Variants in ARHGAP39 observed in about 807,000 individuals in gnomAD.
ARHGAP39 encodes the protein Rho GTPase activating protein 39, also known as rho GTPase-activating protein 39.
A neutral mutation model predicts 106.9 loss-of-function variants in ARHGAP39; 44 were observed. The observed-to-expected ratio is 0.41, with a 90% confidence interval of 0.32 to 0.53. The LOEUF (loss-of-function observed/expected upper bound fraction) is 0.53, where lower values mean the gene tolerates loss of function less well. Among genes scored for constraint, ARHGAP39 ranks in the 20% least tolerant of loss-of-function variants. The pLI is 0.21. For missense variants in ARHGAP39, 1,496 were observed against 1,577.3 expected, an observed-to-expected ratio of 0.95 and a Z score of 0.87; for synonymous variants, 768 against 693.2, an observed-to-expected ratio of 1.11 and a Z score of -1.69.
In ARHGAP39 at chr8:144,619,654, G is replaced by A. The variant is rs985659163; in HGVS notation, c.-81-13959C>T. On this transcript the variant is annotated intron_variant, in intron 1 of 11. Coordinates refer to ENST00000377307, the MANE Select transcript of ARHGAP39 (RefSeq NM_025251.3). ...TGTCCAAGAGCGTGTGTCCGTGCATGAGCCTGTGTACCTGAGAGCACGTAT... is the reference window on the plus strand; with the variant it reads ...TGTCCAAGAGCGTGTGTCCGTGCATAAGCCTGTGTACCTGAGAGCACGTAT... Among the ~76,000 whole-genome samples, 13 of 151,604 alleles carry A rather than the reference G, an allele frequency of 8.6e-5. 1 individual carries two copies. The South Asian group carries it at 2.1e-3, about 24-fold the overall frequency.
intron 3 of ARHGAP39, among the ~76,000 whole-genome samples, chr8:144,555,898 G>A (rs1817898577): frequency 6.6e-6 from 1 of 152,194 alleles, no homozygotes; most frequent in African/African-American, 2.4e-5. Context: ...ATTGGAGCTG[G>A]GGCTACTGTT....
chr8:144,654,636 G>A (rs527608551), intron 1 of ARHGAP39, among the ~76,000 whole-genome samples: 65 of 151,982 alleles, frequency 4.3e-4, no homozygotes, highest in South Asian at 2.5e-3. Flanking sequence ...GGCAGGAGCC[G>A]GGGACAAGCA....
chr8:144,600,151 CT>C (rs1819795848), intron 2 of ARHGAP39, among the ~76,000 whole-genome samples: 1 of 150,958 alleles, frequency 6.6e-6, no homozygotes, highest in Admixed American at 6.6e-5. Context: ...ATGTACCTAC[CT>C]GTGTGTGTGC....
the ARHGAP39 span, among the ~76,000 whole-genome samples, chr8:144,698,365 AC>A: frequency 6.6e-6 from 1 of 151,818 alleles, no homozygotes; most frequent in Non-Finnish European, 1.5e-5. Context: ...AGCCAAATAA[AC>A]CTCCTTTCTT....
chr8:144,556,986 T>G (rs546054511), intron 3 of ARHGAP39, among the ~76,000 whole-genome samples: 7 of 141,402 alleles, frequency 5.0e-5, no homozygotes, highest in Non-Finnish European at 7.5e-5. Flanking sequence ...TGAACCTTCA[T>G]AGTATTCAGA....
Position 144,547,456 on chromosome 8 carries a change from C to A in ARHGAP39, c.1630G>T (p.Glu544Ter), listed in dbSNP as rs1451046334. Reference sequence around the variant, plus strand: ...GGCTCGGCCGCGCCCCGCGCCCCTTCGGCCTCACCTTCCGCTCGCTTCACG... The same window carrying A: ...GGCTCGGCCGCGCCCCGCGCCCCTTAGGCCTCACCTTCCGCTCGCTTCACG... Reference protein sequence around the residue: ...APVKRAEGEAEGARGAAEPFL... With the variant: ...APVKRAEGEA The change falls in exon 5 of 12, where the codon GAA (glutamate) becomes TAA (stop). Residue 544 changes from glutamate (E) to a stop codon, truncating the protein, a stop_gained. Coordinates refer to ENST00000377307, the MANE Select transcript of ARHGAP39 (RefSeq NM_025251.3). LOFTEE classifies it high-confidence loss of function. This position sits in a 1 kb window ranked among gnomAD's most constrained non-coding sequence, Gnocchi z 5.2. The A allele has an allele frequency of 6.4e-7, 1 of 1,563,426 alleles. No homozygotes were observed. Among genetic ancestry groups the A allele is most frequent in the East Asian group, 2.3e-5 (1 of 43,252 alleles).
intron 2 of ARHGAP39, among the ~76,000 whole-genome samples, chr8:144,597,457 G>A (rs951937167): frequency 3.9e-5 from 6 of 152,176 alleles, no homozygotes; most frequent in African/African-American, 1.2e-4. Flanking sequence ...CACAGACAGC[G>A]AGCTGCCAGG....
At chr8:144,676,085 C>A (rs913269856) in intron 1 of ARHGAP39, among the ~76,000 whole-genome samples, 5 of 152,158 alleles carry the variant, frequency 3.3e-5, no homozygotes, top group Admixed American at 2.6e-4. Flanking sequence ...AGAGTGAGCA[C>A]CAGCAAGATT....
chr8:144,534,957 C>T (rs763055635), intron 7 of ARHGAP39, among the ~76,000 whole-genome samples: 47 of 152,178 alleles, frequency 3.1e-4, no homozygotes, highest in Non-Finnish European at 6.3e-4. Flanking sequence ...GTCTGGAAGG[C>T]GCGGCACCTT....
chr8:144,662,220 C>T (rs961929806), intron 1 of ARHGAP39, among the ~76,000 whole-genome samples: 3 of 149,576 alleles, frequency 2.0e-5, no homozygotes, highest in Admixed American at 6.7e-5. Context: ...TGGACCGCTC[C>T]CCCGTCAGCA....
chr8:144,666,244 G>A (rs185341193), intron 1 of ARHGAP39, among the ~76,000 whole-genome samples: 263 of 152,236 alleles, frequency 1.7e-3, no homozygotes, highest in African/African-American at 5.9e-3. Flanking sequence ...GAATTAACTC[G>A]CTTGCTTTTG....
At chr8:144,562,226 A>C in intron 3 of ARHGAP39, among the ~76,000 whole-genome samples, 4 of 137,522 alleles carry the variant, frequency 2.9e-5, no homozygotes, top group African/African-American at 1.1e-4. Flanking sequence ...CATTGGACTC[A>C]CCCCAGTGGT....
intron 1 of ARHGAP39, among the ~76,000 whole-genome samples, chr8:144,623,446 C>T (rs1820855193): frequency 6.6e-6 from 1 of 152,142 alleles, no homozygotes; most frequent in Non-Finnish European, 1.5e-5. Flanking sequence ...AGTATAAGGG[C>T]AGGAAATTCT....
In ARHGAP39 at chr8:144,626,828, C is replaced by T. The variant is rs116422470; in HGVS notation, c.-81-21133G>A. On this transcript the variant is annotated intron_variant, in intron 1 of 11. Transcript: ENST00000377307. ...TAGAGACCCCTCTCTCTGCAGTTCCCCCTCCTGACACTTGAGTGGGGCTCC... is the reference window on the plus strand; with the variant it reads ...TAGAGACCCCTCTCTCTGCAGTTCCTCCTCCTGACACTTGAGTGGGGCTCC... Among the ~76,000 whole-genome samples the T allele has an allele frequency of 4.8e-3, 729 of 152,358 alleles. 7 individuals are homozygous for T. Among genetic ancestry groups the T allele is most frequent in the African/African-American group, 0.016 (683 of 41,586 alleles).
chr8:144,666,910 C>T (rs1384449618), intron 1 of ARHGAP39, among the ~76,000 whole-genome samples: 1 of 152,170 alleles, frequency 6.6e-6, no homozygotes, highest in African/African-American at 2.4e-5. Context: ...GATAAAATGC[C>T]TGCTGTGGGA....
the ARHGAP39 span, among the ~76,000 whole-genome samples, chr8:144,696,093 C>T: frequency 2.2e-4 from 34 of 152,284 alleles, no homozygotes; most frequent in South Asian, 1.7e-3. Flanking sequence ...CTGGGCCACA[C>T]GCTGCCTCCA....
At chr8:144,664,064 G>A (rs1462320881) in intron 1 of ARHGAP39, among the ~76,000 whole-genome samples, 1 of 152,128 alleles carries the variant, frequency 6.6e-6, no homozygotes, top group Non-Finnish European at 1.5e-5. Flanking sequence ...CTACTTGGGA[G>A]GCTGAGGTGG....
chr8:144,650,218 A>G (rs1821540937), intron 1 of ARHGAP39, among the ~76,000 whole-genome samples: 1 of 152,292 alleles, frequency 6.6e-6, no homozygotes, highest in South Asian at 2.1e-4. Context: ...CTGATTCCCT[A>G]AACAGACAAT....
intron 1 of ARHGAP39, among the ~76,000 whole-genome samples, chr8:144,649,485 C>T (rs1586636982): frequency 6.7e-6 from 1 of 150,030 alleles, no homozygotes; most frequent in African/African-American, 2.5e-5. Context: ...AAATGACAAA[C>T]GTGGCCAGGC....
Sources: gnomAD v4.1 joint callset for allele counts (sites outside exome capture counted in the v4.1 genomes callset) on GRCh38, gnomAD v4.1.1 for gene constraint, Gnocchi (gnomAD v3.1) non-coding constraint, MANE v1.5 for transcripts, NCBI Gene and HGNC (gene_info 2026-07-23, HGNC 2026-07-21) for gene names.